Variants in MTUS2 observed in about 807,000 individuals in gnomAD.
The protein encoded by MTUS2 is microtubule associated scaffold protein 2, also known as microtubule-associated tumor suppressor candidate 2.
Under a neutral mutation model 114.1 loss-of-function variants are expected in MTUS2, and 40 were observed. That is an observed-to-expected ratio of 0.35 (90% confidence interval 0.27 to 0.46). The LOEUF (loss-of-function observed/expected upper bound fraction) is 0.46. Ranked by LOEUF, MTUS2 falls within the 20% of genes least tolerant of loss-of-function variation. MTUS2 has a pLI of 1.00. For synonymous variants in MTUS2, 688 were observed against 672.0 expected, an observed-to-expected ratio of 1.02 and a Z score of -0.37; for missense variants, 1,679 against 1,705.4, an observed-to-expected ratio of 0.98 and a Z score of 0.27.
intron 5 of MTUS2, among the ~76,000 whole-genome samples, chr13:29,152,118 G>C (rs1892686385): frequency 6.6e-6 from 1 of 152,042 alleles, no homozygotes; most frequent in African/African-American, 2.4e-5. Flanking sequence ...ATTGGTGTCA[G>C]CTCTTCTTTG....
rs141092940 is a variant in MTUS2 at position 29,320,893 on chromosome 13, T to C, written c.2807-3720T>C. 4.2e-4 allele frequency among the ~76,000 whole-genome samples: 64 copies of C among 152,294 alleles called. No individual in the cohort carries two copies. The East Asian group carries it at 0.012, about 28-fold the overall frequency. On this transcript the variant is annotated intron_variant, in intron 6 of 15. Coordinates refer to ENST00000612955, the MANE Select transcript of MTUS2 (RefSeq NM_001033602.4). Reference sequence around the variant, plus strand: ...GCTACTGAAGGTCAGAAAGACCTCATCACTGCTAGATATGGTAGGATGAGG... The same window carrying C: ...GCTACTGAAGGTCAGAAAGACCTCACCACTGCTAGATATGGTAGGATGAGG...
intron 5 of MTUS2, among the ~76,000 whole-genome samples, chr13:29,184,150 T>C (rs941641530): frequency 6.6e-6 from 1 of 151,962 alleles, no homozygotes; most frequent in African/African-American, 2.4e-5. Context: ...TTGTTTGCTG[T>C]TTTTTTTCGG....
chr13:29,374,171 T>G (rs1201657125), intron 8 of MTUS2, among the ~76,000 whole-genome samples: 1 of 152,150 alleles, frequency 6.6e-6, no homozygotes, highest in African/African-American at 2.4e-5. Context: ...AGAAAATAAT[T>G]TTTAAAGAAC....
chr13:28,901,247 T>G (rs1879626881), intron 2 of MTUS2, among the ~76,000 whole-genome samples: 1 of 152,210 alleles, frequency 6.6e-6, no homozygotes, highest in African/African-American at 2.4e-5. Context: ...GAGTTCTTTA[T>G]ATATTCTGGA....
At chr13:29,367,717 C>A (rs1465827730) in intron 8 of MTUS2, among the ~76,000 whole-genome samples, 1 of 152,096 alleles carries the variant, frequency 6.6e-6, no homozygotes, top group African/African-American at 2.4e-5. Flanking sequence ...GAACCCACCC[C>A]ACCCCAGCCC....
At chr13:29,101,923 T>C (rs1245764673) in intron 5 of MTUS2, among the ~76,000 whole-genome samples, 1 of 152,238 alleles carries the variant, frequency 6.6e-6, no homozygotes, top group African/African-American at 2.4e-5. Flanking sequence ...TTTGCGTAGT[T>C]CTAAATTTTG....
At chr13:29,272,784 C>T (rs1046473593) in intron 5 of MTUS2, among the ~76,000 whole-genome samples, 10 of 152,204 alleles carry the variant, frequency 6.6e-5, no homozygotes, top group African/African-American at 2.2e-4. Flanking sequence ...TTTTCAGCAG[C>T]TGTCTTAGTT....
At chr13:29,285,209 A>G (rs1008242501) in intron 6 of MTUS2, among the ~76,000 whole-genome samples, 3 of 151,580 alleles carry the variant, frequency 2.0e-5, no homozygotes, top group African/African-American at 7.3e-5. Context: ...AAAAAAAAAA[A>G]CCTCCAAAAC....
chr13:28,972,708 T>G (rs2138260452), intron 2 of MTUS2, among the ~76,000 whole-genome samples: 1 of 152,322 alleles, frequency 6.6e-6, no homozygotes, highest in Admixed American at 6.5e-5. Flanking sequence ...TCCTGTCTTA[T>G]GGGAGAAAGT....
At chr13:29,305,410 A>G (rs1177322793) in intron 6 of MTUS2, among the ~76,000 whole-genome samples, 1 of 152,172 alleles carries the variant, frequency 6.6e-6, no homozygotes, top group Non-Finnish European at 1.5e-5. Flanking sequence ...AATAAAGAAG[A>G]AAAGAGAGAA....
intron 5 of MTUS2, among the ~76,000 whole-genome samples, chr13:29,111,067 G>A (rs954517571): frequency 6.6e-6 from 1 of 152,052 alleles, no homozygotes; most frequent in African/African-American, 2.4e-5. Flanking sequence ...CTCAAGAGCT[G>A]GTATTCTATG....
intron 1 of MTUS2, among the ~76,000 whole-genome samples, chr13:28,821,131 G>A (rs1422343515): frequency 2.0e-5 from 3 of 152,056 alleles, no homozygotes; most frequent in African/African-American, 7.2e-5. Flanking sequence ...AAAGGCGCCT[G>A]TACTCTCTGT....
chr13:29,356,387 A>C (rs1042879165), intron 7 of MTUS2, among the ~76,000 whole-genome samples: 1 of 152,220 alleles, frequency 6.6e-6, no homozygotes, highest in African/African-American at 2.4e-5. Context: ...TGTGCATTCT[A>C]GCTTCACTGT....
intron 5 of MTUS2, among the ~76,000 whole-genome samples, chr13:29,137,036 G>T (rs981202456): frequency 6.6e-6 from 1 of 152,208 alleles, no homozygotes. Flanking sequence ...CCACAATTTG[G>T]TAGTCAGAGA....
At chr13:29,165,614 A>C (rs567773683) in intron 5 of MTUS2, among the ~76,000 whole-genome samples, 498 of 152,338 alleles carry the variant, frequency 3.3e-3, no homozygotes, top group Non-Finnish European at 6.0e-3. Context: ...AATTGCTTTT[A>C]AAACACTTGC....
At chr13:29,202,746 C>T (rs1895012778) in intron 5 of MTUS2, among the ~76,000 whole-genome samples, 2 of 152,058 alleles carry the variant, frequency 1.3e-5, no homozygotes, top group African/African-American at 4.8e-5. Context: ...GTTAGTTTTC[C>T]TTCTAACAGT....
At chr13:29,198,749 G>A (rs1312003616) in intron 5 of MTUS2, among the ~76,000 whole-genome samples, 1 of 152,164 alleles carries the variant, frequency 6.6e-6, no homozygotes, top group Non-Finnish European at 1.5e-5. Context: ...TCATTGAGCA[G>A]TGGTTTGTAG....
At chr13:28,864,468 G>A (rs565233070) in intron 2 of MTUS2, among the ~76,000 whole-genome samples, 53 of 152,262 alleles carry the variant, frequency 3.5e-4, no homozygotes, top group Non-Finnish European at 5.4e-4. Flanking sequence ...TCATCATGTC[G>A]GTGAGGGAGG....
chr13:29,289,000 G>A (rs1301577016), intron 6 of MTUS2, among the ~76,000 whole-genome samples: 1 of 151,868 alleles, frequency 6.6e-6, no homozygotes, highest in African/African-American at 2.4e-5. Context: ...ATCTAGCTGG[G>A]TTTAAAAAAA....
Sources: gnomAD v4.1 joint callset for allele counts (sites outside exome capture counted in the v4.1 genomes callset) on GRCh38, gnomAD v4.1.1 for gene constraint, MANE v1.5 for transcripts, NCBI Gene and HGNC (gene_info 2026-07-23, HGNC 2026-07-21) for gene names.